Variants in DDX10 observed in about 807,000 individuals in gnomAD.
The protein encoded by DDX10 is probable ATP-dependent RNA helicase DDX10.
Under a neutral mutation model 104.3 loss-of-function variants are expected in DDX10, and 74 were observed. That is an observed-to-expected ratio of 0.71 (90% CI 0.59 to 0.86). DDX10 has a LOEUF of 0.86. DDX10 is among the 40% of genes least tolerant of loss of function. The probability of loss-of-function intolerance (pLI) is 0.00; values close to 1 mark genes in which losing one functional copy is unlikely to be tolerated. For missense variants in DDX10, 952 were observed against 1,040.0 expected, an observed-to-expected ratio of 0.92 and a Z score of 1.16; for synonymous variants, 351 against 353.4, an observed-to-expected ratio of 0.99 and a Z score of 0.08.
At chr11:108,733,060 T>C (rs2094314181) in intron 13 of DDX10, among the ~76,000 whole-genome samples, 1 of 152,126 alleles carries the variant, frequency 6.6e-6, no homozygotes, top group Non-Finnish European at 1.5e-5. Flanking sequence ...AGATTATTCA[T>C]TGTACCTTAG....
intron 9 of DDX10, among the ~76,000 whole-genome samples, chr11:108,700,744 T>G (rs1399557532): frequency 6.6e-6 from 1 of 152,236 alleles, no homozygotes; most frequent in African/African-American, 2.4e-5. Flanking sequence ...AAGCCTCAGT[T>G]TCTTCTCTGG....
intron 13 of DDX10, among the ~76,000 whole-genome samples, chr11:108,753,398 T>TCCAA (rs2094340880): frequency 6.6e-6 from 1 of 152,092 alleles, no homozygotes; most frequent in Admixed American, 6.6e-5. Flanking sequence ...AGTCATCCAT[T>TCCAA]CCAATGTAGA....
At position 108,884,353 on chromosome 11, in the gene DDX10, A is replaced by G. The variant is rs73009467; in HGVS notation, c.2304+32144A>G. Among the ~76,000 whole-genome samples the G allele has an allele frequency of 9.5e-3, 1,438 of 152,084 alleles. 20 individuals are homozygous for G. The highest frequency in any genetic ancestry group is 0.017 in the Non-Finnish European group (1,171 of 67,966). On this transcript the variant is annotated intron_variant, in intron 16 of 17. Coordinates refer to ENST00000322536, the MANE Select transcript of DDX10 (RefSeq NM_004398.4). ...TGGGCCTTCACACTTGATGATCCCTATTCTAGAAAGCTTGTTCTCCCCCAG... is the reference window on the plus strand; with the variant it reads ...TGGGCCTTCACACTTGATGATCCCTGTTCTAGAAAGCTTGTTCTCCCCCAG...
intron 16 of DDX10, among the ~76,000 whole-genome samples, chr11:108,882,084 G>A (rs1390104175): frequency 6.6e-6 from 1 of 152,036 alleles, no homozygotes; most frequent in African/African-American, 2.4e-5. Flanking sequence ...AATAGCATCA[G>A]GGTTGCTTTA....
intron 13 of DDX10, chr11:108,729,823 T>G (rs1180982033): frequency 6.6e-6 from 1 of 152,174 alleles, no homozygotes. Flanking sequence ...ACGTCGTTAA[T>G]GTACACCAGA....
At chr11:108,753,841 AGTATTT>A (rs1406092674) in intron 13 of DDX10, among the ~76,000 whole-genome samples, 1 of 151,986 alleles carries the variant, frequency 6.6e-6, no homozygotes, top group Non-Finnish European at 1.5e-5. Context: ...TTGCTTTAGT[AGTATTT>A]ATAGGCTTAA....
At chr11:108,752,152 G>A (rs772469170) in intron 13 of DDX10, among the ~76,000 whole-genome samples, 2 of 152,250 alleles carry the variant, frequency 1.3e-5, no homozygotes, top group South Asian at 2.1e-4. Context: ...TACTGACGTC[G>A]TGAAGTTACG....
intron 13 of DDX10, among the ~76,000 whole-genome samples, chr11:108,782,856 A>G (rs1861726892): frequency 6.6e-6 from 1 of 152,180 alleles, no homozygotes; most frequent in Non-Finnish European, 1.5e-5. Context: ...ACGAAAGAGT[A>G]GTCAGTGGTA....
chr11:108,835,947 A>G (rs12802313), intron 13 of DDX10, among the ~76,000 whole-genome samples: 19,139 of 151,968 alleles, frequency 0.13, 1,416 homozygotes, highest in East Asian at 0.25. Flanking sequence ...AGTTTGTGTT[A>G]ATTGGCCTTA....
chr11:108,719,716 A>T, intron 11 of DDX10, 81 bp from the exon 12 acceptor site: 1 of 786,770 alleles, frequency 1.3e-6, no homozygotes, highest in Admixed American at 2.6e-5. Context: ...AATTTATCCC[A>T]TTGGCTAATT....
chr11:108,733,162 C>G (rs2094314374), intron 13 of DDX10, among the ~76,000 whole-genome samples: 1 of 149,374 alleles, frequency 6.7e-6, no homozygotes. Flanking sequence ...TAAGAACTCA[C>G]TGTTGGTGTT....
chr11:108,728,142 T>C (rs1227773129), intron 13 of DDX10, among the ~76,000 whole-genome samples: 1 of 152,094 alleles, frequency 6.6e-6, no homozygotes, highest in South Asian at 2.1e-4. Flanking sequence ...GGCAAATTGC[T>C]GTAAAAATTT....
chr11:108,796,128 A>G (rs1861937574), intron 13 of DDX10, among the ~76,000 whole-genome samples: 1 of 152,148 alleles, frequency 6.6e-6, no homozygotes, highest in Non-Finnish European at 1.5e-5. Context: ...ATGTTCCTTT[A>G]ATGCCTGTAT....
chr11:108,838,326 C>T (rs1328904916), intron 13 of DDX10, 120 bp from the exon 14 acceptor site: 2 of 1,059,620 alleles, frequency 1.9e-6, no homozygotes, highest in African/African-American at 3.2e-5. Flanking sequence ...TTCAATGCTT[C>T]TCATTAGCCA....
In DDX10 at chr11:108,831,360, A is replaced by C. The variant is rs551590259; in HGVS notation, c.1966-7086A>C. Among the ~76,000 whole-genome samples the C allele has an allele frequency of 8.4e-5, 12 of 142,968 alleles. No homozygotes were observed. The South Asian group carries it at 2.7e-3, about 32-fold the overall frequency. 93.8% of individuals were successfully genotyped at this position (142,968 alleles called of 152,430 possible). ...CGGAGGTTGCAGTGAGCTGAGATCG[A>C]GCCACTGCACTCTTCCCTGGCGCCA... On this transcript the variant is annotated intron_variant, in intron 13 of 17. Coordinates refer to ENST00000322536, the MANE Select transcript of DDX10 (RefSeq NM_004398.4).
intron 16 of DDX10, among the ~76,000 whole-genome samples, chr11:108,914,988 G>T (rs546064012): frequency 6.8e-6 from 1 of 147,576 alleles, no homozygotes; most frequent in East Asian, 2.0e-4. Context: ...ATGAGGAATA[G>T]AAAAAAAAAA....
At chr11:108,912,128 A>G (rs1863688639) in intron 16 of DDX10, among the ~76,000 whole-genome samples, 1 of 152,154 alleles carries the variant, frequency 6.6e-6, no homozygotes, top group Admixed American at 6.5e-5. Flanking sequence ...GGAAAGTTCA[A>G]TATCAAGGTG....
intron 16 of DDX10, among the ~76,000 whole-genome samples, chr11:108,891,483 A>G (rs1445664386): frequency 1.3e-5 from 2 of 152,202 alleles, no homozygotes; most frequent in Non-Finnish European, 2.9e-5. Context: ...CATTCTTTCA[A>G]TAATTAGAAC....
At chr11:108,751,557 C>T (rs1227161999) in intron 13 of DDX10, among the ~76,000 whole-genome samples, 1 of 152,048 alleles carries the variant, frequency 6.6e-6, no homozygotes, top group Non-Finnish European at 1.5e-5. Context: ...ATATTTTATG[C>T]ATTTACAACA....
Sources: allele counts gnomAD v4.1 joint callset (sites outside exome capture counted in the v4.1 genomes callset), GRCh38; gene constraint gnomAD v4.1.1; transcripts MANE v1.5; gene names NCBI Gene and HGNC (gene_info 2026-07-23, HGNC 2026-07-21).